The following ADAM23 variants were observed in gnomAD, a reference collection of about 807,000 sequenced individuals.
ADAM23 encodes the protein ADAM metallopeptidase domain 23.
In ADAM23, 33 loss-of-function variants were observed where a neutral mutation model predicts 120.1. The ratio of observed to expected loss-of-function variants is 0.27; its 90% CI spans 0.21 to 0.37. ADAM23 has a LOEUF of 0.37. Among genes scored for constraint, ADAM23 ranks in the 10% least tolerant of loss-of-function variants. The pLI is 1.00. For missense variants in ADAM23, 862 were observed against 1,058.2 expected (o/e 0.81, Z 2.57); for synonymous variants, 367 against 375.2 (o/e 0.98, Z 0.25).
intron 3 of ADAM23, among the ~76,000 whole-genome samples, chr2:206,493,704 A>T (rs1696179230): frequency 6.8e-6 from 1 of 148,004 alleles, no homozygotes; most frequent in Admixed American, 6.6e-5. Context: ...CAATTTCTAC[A>T]AAAAGTTTCA....
rs148927958 is a variant in ADAM23 at position 206,573,744 on chromosome 2, G to A, written c.1737+549G>A. On this transcript the variant is annotated intron_variant, in intron 18 of 25. Coordinates refer to ENST00000264377, the MANE Select transcript of ADAM23 (RefSeq NM_003812.4). ...TTGAAAAATAGCAACAATGAAAATG[G>A]CAGGCTTTCAGTCACCACTTATGAT... Among the ~76,000 whole-genome samples, 558 of 152,086 alleles carry A rather than the reference G, an allele frequency of 3.7e-3. 7 individuals are homozygous for A. Among genetic ancestry groups the A allele is most frequent in the African/African-American group, 0.013 (527 of 41,502 alleles).
intron 8 of ADAM23, among the ~76,000 whole-genome samples, chr2:206,548,600 G>T (rs772286206): frequency 1.3e-5 from 2 of 152,158 alleles, no homozygotes; most frequent in Non-Finnish European, 2.9e-5. Context: ...TAAAGAACGT[G>T]TTGTTTTAGC....
chr2:206,443,736 A>C lies in ADAM23; in HGVS notation c.-131A>C. ...CCCGAGCCCCGCGCCCCGTGCCCCGAGCCCGGAGCCCCCTGCCCGCCGCGG... is the reference window on the plus strand; with the variant it reads ...CCCGAGCCCCGCGCCCCGTGCCCCGCGCCCGGAGCCCCCTGCCCGCCGCGG... On this transcript the variant is annotated 5_prime_UTR_variant, in exon 1 of 26. Transcript: ENST00000264377. 2 of 275,788 alleles carry C rather than the reference A, an allele frequency of 7.3e-6. No individual in the cohort carries two copies. Among genetic ancestry groups the C allele is most frequent in the Non-Finnish European group, 1.1e-5 (2 of 185,728 alleles). 17.1% of individuals were successfully genotyped at this position (275,788 alleles called of 1,614,324 possible).
chr2:206,541,609 T>C (rs1697290965), intron 4 of ADAM23, among the ~76,000 whole-genome samples: 1 of 152,188 alleles, frequency 6.6e-6, no homozygotes. Flanking sequence ...ATTCATATAT[T>C]GCTTCTAAAA....
chr2:206,561,780 A>G (rs781252522), intron 12 of ADAM23, among the ~76,000 whole-genome samples: 1 of 152,206 alleles, frequency 6.6e-6, no homozygotes, highest in Non-Finnish European at 1.5e-5. Flanking sequence ...ACTCTTGTCA[A>G]TACTGAAATA....
chr2:206,564,324 T>C (rs1279864179), intron 13 of ADAM23, among the ~76,000 whole-genome samples: 8 of 152,070 alleles, frequency 5.3e-5, no homozygotes, highest in Admixed American at 5.2e-4. Context: ...CGAAGTTAAG[T>C]TGTAATTGTT....
chr2:206,496,003 A>G (rs1274717502), intron 3 of ADAM23, among the ~76,000 whole-genome samples: 1 of 152,220 alleles, frequency 6.6e-6, no homozygotes, highest in East Asian at 1.9e-4. Context: ...TCATAAAGCA[A>G]GTCCTTAGTG....
chr2:206,448,425 T>C (rs1358525514), intron 2 of ADAM23, among the ~76,000 whole-genome samples: 1 of 152,216 alleles, frequency 6.6e-6, no homozygotes, highest in Non-Finnish European at 1.5e-5. Context: ...TTGTGTGATA[T>C]TGTGAAATGT....
chr2:206,542,600 T>A (rs889156208), intron 5 of ADAM23, among the ~76,000 whole-genome samples: 7 of 152,128 alleles, frequency 4.6e-5, no homozygotes, highest in Admixed American at 1.3e-4. Context: ...AACAAAACCA[T>A]GTGTTGGCAC....
At chr2:206,504,009 G>A (rs1289822339) in intron 3 of ADAM23, among the ~76,000 whole-genome samples, 1 of 152,076 alleles carries the variant, frequency 6.6e-6, no homozygotes, top group Non-Finnish European at 1.5e-5. Context: ...TCTGGGAATG[G>A]AGTTTTACAC....
chr2:206,613,932 A>G (rs369032394), intron 25 of ADAM23, among the ~76,000 whole-genome samples: 29 of 152,328 alleles, frequency 1.9e-4, no homozygotes, highest in African/African-American at 7.0e-4. Context: ...TGATGGTAGG[A>G]AAAGAAATGA....
chr2:206,542,278 G>A (rs1574522957), intron 5 of ADAM23, 144 bp downstream of exon 5: 1 of 749,204 alleles, frequency 1.3e-6, no homozygotes, highest in Non-Finnish European at 2.3e-6. Flanking sequence ...CAATGTCCCT[G>A]TCCTCTTGAA....
intron 24 of ADAM23, among the ~76,000 whole-genome samples, chr2:206,607,444 A>G (rs894145044): frequency 1.3e-5 from 2 of 149,976 alleles, no homozygotes; most frequent in African/African-American, 2.5e-5. Context: ...TTTTAACATT[A>G]TACATTGGCT....
chr2:206,473,200 G>A (rs879818167), intron 2 of ADAM23, among the ~76,000 whole-genome samples: 1 of 152,096 alleles, frequency 6.6e-6, no homozygotes, highest in Non-Finnish European at 1.5e-5. Flanking sequence ...TTAAAAGCAT[G>A]TTTCTTAAGC....
rs1402373783 is a variant in ADAM23 at position 206,594,757 on chromosome 2, A to G, written c.2099A>G (p.Asp700Gly). 1.2e-6 allele frequency: 2 copies of G among 1,614,192 alleles called. No individual in the cohort carries two copies. Among genetic ancestry groups the G allele is most frequent in the Non-Finnish European group, 8.5e-7 (1 of 1,180,014 alleles). Residue 700 changes from aspartate (D) to glycine (G), a missense_variant, in exon 23 of 26, where the codon GAT (aspartate) becomes GGT (glycine). Around this residue, in one of 4 missense-constraint regions of ADAM23, gnomAD observed 617 missense variants for 813.5 expected, o/e 0.76. Transcript: ENST00000264377. ...TTTAGTGGTGCCCATGTAGTTTTAGATGATGATACGGATGTGGGCTATGTA... is the reference window on the plus strand; with the variant it reads ...TTTAGTGGTGCCCATGTAGTTTTAGGTGATGATACGGATGTGGGCTATGTA... ...IDCSGAHVVL[D>G]DDTDVGYVED...
intron 24 of ADAM23, among the ~76,000 whole-genome samples, chr2:206,605,262 T>C (rs1698707575): frequency 1.3e-5 from 2 of 152,262 alleles, no homozygotes; most frequent in South Asian, 2.1e-4. Context: ...TGCAGACTTA[T>C]CTGAAATACG....
At chr2:206,599,417 A>AT (rs1296552175) in intron 24 of ADAM23, among the ~76,000 whole-genome samples, 2 of 152,168 alleles carry the variant, frequency 1.3e-5, no homozygotes, top group Admixed American at 1.3e-4. Context: ...AAATATTTAC[A>AT]TTTCCAGAAA....
intron 24 of ADAM23, among the ~76,000 whole-genome samples, chr2:206,601,647 G>GC (rs1365305616): frequency 2.0e-5 from 3 of 151,842 alleles, no homozygotes; most frequent in Non-Finnish European, 2.9e-5. Flanking sequence ...GGTGGCATGT[G>GC]CCCATAGTCC....
intron 4 of ADAM23, among the ~76,000 whole-genome samples, chr2:206,535,605 G>A (rs1467637477): frequency 6.6e-6 from 1 of 152,216 alleles, no homozygotes. Context: ...TATCCACATA[G>A]TGGAATTACT....
Sources: gnomAD v4.1 joint callset for allele counts (sites outside exome capture counted in the v4.1 genomes callset) on GRCh38, gnomAD v4.1.1 for gene constraint, gnomAD v4.1.1 regional missense constraint, MANE v1.5 for transcripts, NCBI Gene and HGNC (gene_info 2026-07-23, HGNC 2026-07-21) for gene names.